Variants in SH3GL3 observed in about 807,000 individuals in gnomAD.
SH3GL3 encodes the protein SH3 domain containing GRB2 like 3, endophilin A3, also known as endophilin-A3.
SH3GL3 carries 33 observed loss-of-function variants against 47.7 expected under a neutral mutation model. The observed-to-expected ratio is 0.69, with a 90% confidence interval of 0.52 to 0.92. The LOEUF (loss-of-function observed/expected upper bound fraction) is 0.92. Ranked by LOEUF, SH3GL3 falls within the 40% of genes least tolerant of loss-of-function variation. The pLI, the probability that SH3GL3 is intolerant of heterozygous loss-of-function variation, is 0.00. For synonymous variants in SH3GL3, 155 were observed against 148.8 expected, an observed-to-expected ratio of 1.04 and a Z score of -0.30; for missense variants, 363 against 417.8, an observed-to-expected ratio of 0.87 and a Z score of 1.14.
the SH3GL3 span, among the ~76,000 whole-genome samples, chr15:83,631,246 C>T: frequency 2.0e-5 from 3 of 152,338 alleles, no homozygotes; most frequent in South Asian, 6.2e-4. Context: ...TAGCACCCCT[C>T]CTGGCTACTT....
chr15:83,522,830 C>T (rs762329163), intron 1 of SH3GL3, among the ~76,000 whole-genome samples: 1 of 152,120 alleles, frequency 6.6e-6, no homozygotes, highest in Non-Finnish European at 1.5e-5. Flanking sequence ...TAGGCTAGAG[C>T]AAGTTCAGTT....
chr15:83,619,526 A>G (rs2060904106), downstream of SH3GL3, among the ~76,000 whole-genome samples: 1 of 152,296 alleles, frequency 6.6e-6, no homozygotes, highest in South Asian at 2.1e-4. Flanking sequence ...ACATTTACCT[A>G]TGTAACAAAC....
intron 2 of SH3GL3, among the ~76,000 whole-genome samples, chr15:83,562,547 C>A (rs1449673861): frequency 6.6e-6 from 1 of 152,108 alleles, no homozygotes; most frequent in African/African-American, 2.4e-5. Context: ...AAGCTTTAAA[C>A]TGAACTTATG....
downstream of SH3GL3, among the ~76,000 whole-genome samples, chr15:83,623,280 A>G (rs1184293227): frequency 6.6e-6 from 1 of 152,182 alleles, no homozygotes; most frequent in African/African-American, 2.4e-5. Flanking sequence ...AACCTATAAT[A>G]CATATTTACT....
At chr15:83,489,602 C>T (rs2041772479) in intron 1 of SH3GL3, among the ~76,000 whole-genome samples, 1 of 152,202 alleles carries the variant, frequency 6.6e-6, no homozygotes, top group African/African-American at 2.4e-5. Context: ...TTAAATAGTC[C>T]AGTGTCCCTA....
intron 1 of SH3GL3, among the ~76,000 whole-genome samples, chr15:83,477,729 A>T (rs2041165596): frequency 6.6e-6 from 1 of 152,162 alleles, no homozygotes; most frequent in Non-Finnish European, 1.5e-5. Flanking sequence ...ATACTTAAAG[A>T]AATGTGGGGC....
the SH3GL3 span, among the ~76,000 whole-genome samples, chr15:83,627,784 AG>A: frequency 6.6e-6 from 1 of 152,230 alleles, no homozygotes; most frequent in African/African-American, 2.4e-5. Context: ...GCGATAAAAT[AG>A]GGAAGTACTG....
intron 1 of SH3GL3, among the ~76,000 whole-genome samples, chr15:83,534,426 C>T (rs2043816197): frequency 6.6e-6 from 1 of 152,172 alleles, no homozygotes; most frequent in Admixed American, 6.5e-5. Context: ...CTCTCCCTCC[C>T]TCTTGTTGGC....
chr15:83,471,662 G>C (rs1596043521), intron 1 of SH3GL3, among the ~76,000 whole-genome samples: 1 of 152,320 alleles, frequency 6.6e-6, no homozygotes, highest in Middle Eastern at 3.4e-3. Flanking sequence ...TTCTGGTTCT[G>C]AGTGCTGCCT....
Position 83,497,454 on chromosome 15 carries a change from C to T in SH3GL3, c.45+49876C>T, listed in dbSNP as rs529848977. On this transcript the variant is annotated intron_variant, in intron 1 of 8. Coordinates refer to ENST00000427482, the MANE Select transcript of SH3GL3 (RefSeq NM_003027.5). ...GGAGGGCTATGTAAAGCTCAGGGCC[C>T]TTGTCCACTAGAGGCAAGGTGCCCC... Among the ~76,000 whole-genome samples the T allele has an allele frequency of 3.3e-5, 5 of 152,318 alleles. No homozygotes were observed. The East Asian group carries it at 9.7e-4, about 29-fold the overall frequency.
At chr15:83,505,556 C>T (rs1381551325) in intron 1 of SH3GL3, among the ~76,000 whole-genome samples, 5 of 123,074 alleles carry the variant, frequency 4.1e-5, no homozygotes, top group Non-Finnish European at 6.4e-5. Context: ...GAGATGGAGT[C>T]TCACTCTCTC....
chr15:83,579,865 C>T (rs558623278), intron 6 of SH3GL3, among the ~76,000 whole-genome samples: 1 of 152,270 alleles, frequency 6.6e-6, no homozygotes, highest in South Asian at 2.1e-4. Flanking sequence ...GTGTCTGTGC[C>T]ATAGCCAGGT....
chr15:83,615,397 C>A (rs1359088426), intron 8 of SH3GL3, among the ~76,000 whole-genome samples: 1 of 152,144 alleles, frequency 6.6e-6, no homozygotes, highest in Non-Finnish European at 1.5e-5. Context: ...TCACTGCAAC[C>A]TCCGCCTCCC....
In SH3GL3 at chr15:83,604,060, G is replaced by A. The variant is rs143010072; in HGVS notation, c.839-14022G>A. Among the ~76,000 whole-genome samples the A allele has an allele frequency of 5.3e-4, 81 of 152,218 alleles. 1 individual carries two copies. Among genetic ancestry groups the A allele is most frequent in the African/African-American group, 1.8e-3 (73 of 41,530 alleles). On this transcript the variant is annotated intron_variant, in intron 8 of 8. Coordinates refer to ENST00000427482, the MANE Select transcript of SH3GL3 (RefSeq NM_003027.5). ...GAGGCAGGAGAATCCCTTGAAACCC[G>A]GGAGGCAGAGGTTGCGGTGAGGTTG... is the stretch of plus-strand genomic sequence containing the variant.
chr15:83,462,787 C>T (rs753003040), intron 1 of SH3GL3, among the ~76,000 whole-genome samples: 20 of 152,192 alleles, frequency 1.3e-4, no homozygotes, highest in Non-Finnish European at 2.6e-4. Flanking sequence ...AACTTGATGA[C>T]ATCCAGACAA....
chr15:83,594,914 T>C (rs1190799838), intron 8 of SH3GL3, among the ~76,000 whole-genome samples: 1 of 152,214 alleles, frequency 6.6e-6, no homozygotes, highest in African/African-American at 2.4e-5. Flanking sequence ...CAATGTAGAT[T>C]AGTTCAGCCA....
At chr15:83,512,587 T>C (rs765067885) in intron 1 of SH3GL3, among the ~76,000 whole-genome samples, 5 of 152,210 alleles carry the variant, frequency 3.3e-5, no homozygotes, top group Non-Finnish European at 7.3e-5. Flanking sequence ...TCTTTGTGTC[T>C]GCCCCTGTAA....
the SH3GL3 span, among the ~76,000 whole-genome samples, chr15:83,630,805 T>A: frequency 6.6e-6 from 1 of 151,956 alleles, no homozygotes; most frequent in African/African-American, 2.4e-5. Context: ...AGCCAAACCA[T>A]ACCATTCTGC....
At chr15:83,461,710 A>T (rs963130588) in intron 1 of SH3GL3, among the ~76,000 whole-genome samples, 3 of 152,160 alleles carry the variant, frequency 2.0e-5, no homozygotes, top group African/African-American at 7.2e-5. Flanking sequence ...TTTGACTTAG[A>T]CATCATATTT....
Sources: allele counts gnomAD v4.1 joint callset (sites outside exome capture counted in the v4.1 genomes callset), GRCh38; gene constraint gnomAD v4.1.1; transcripts MANE v1.5; gene names NCBI Gene and HGNC (gene_info 2026-07-23, HGNC 2026-07-21).